IGFL2: variants seen among roughly 807,000 people sequenced by gnomAD.
The protein encoded by IGFL2 is IGF like family member 2.
IGFL2 carries 7 observed loss-of-function variants against 13.9 expected under a neutral mutation model. The ratio of observed to expected loss-of-function variants is 0.51; its 90% CI spans 0.29 to 0.95. The LOEUF (loss-of-function observed/expected upper bound fraction) is 0.95. IGFL2 is among the 40% of genes least tolerant of loss of function. IGFL2 has a pLI of 0.08. For missense variants in IGFL2, 138 were observed against 147.8 expected (o/e 0.93, Z 0.34); for synonymous variants, 55 against 55.8 (o/e 0.99, Z 0.07).
the IGFL2 span, among the ~76,000 whole-genome samples, chr19:46,136,009 G>A: frequency 2.0e-4 from 31 of 152,104 alleles, no homozygotes; most frequent in Non-Finnish European, 4.3e-4. Context: ...CTACTTTCTA[G>A]CTGCATTTAA....
At chr19:46,146,779 G>C (rs1973159598), upstream of IGFL2, among the ~76,000 whole-genome samples, 1 of 152,038 alleles carries the variant, frequency 6.6e-6, no homozygotes, top group Non-Finnish European at 1.5e-5. Context: ...ACTTCTGTGT[G>C]TTTCATACGC....
At chr19:46,102,513 C>T in the IGFL2 span, among the ~76,000 whole-genome samples, 1 of 151,844 alleles carries the variant, frequency 6.6e-6, no homozygotes, top group Admixed American at 6.6e-5. Context: ...AGTACATTCA[C>T]AAAGGCAAGG....
the IGFL2 span, among the ~76,000 whole-genome samples, chr19:46,132,385 A>C: frequency 5.3e-5 from 8 of 152,228 alleles, no homozygotes; most frequent in Non-Finnish European, 8.8e-5. Flanking sequence ...ATATTGAATT[A>C]AATGCACAGA....
chr19:46,185,906 T>A, the IGFL2 span, among the ~76,000 whole-genome samples: 2 of 152,006 alleles, frequency 1.3e-5, no homozygotes, highest in African/African-American at 2.4e-5. Context: ...CCCCGGGAAA[T>A]TTTTAAGACT....
the IGFL2 span, among the ~76,000 whole-genome samples, chr19:46,175,883 C>T: frequency 2.7e-5 from 4 of 149,750 alleles, no homozygotes; most frequent in Non-Finnish European, 5.9e-5. Context: ...CGCTCTGTCA[C>T]CCAGGCTGGA....
the IGFL2 span, chr19:46,212,238 C>G: frequency 6.6e-6 from 1 of 152,142 alleles, no homozygotes; most frequent in East Asian, 1.9e-4. Context: ...GGGGAAGGTG[C>G]GTGCTGAGCA....
the IGFL2 span, among the ~76,000 whole-genome samples, chr19:46,132,025 G>T: frequency 6.6e-6 from 1 of 152,188 alleles, no homozygotes; most frequent in Non-Finnish European, 1.5e-5. Flanking sequence ...AAATGTATAT[G>T]ATTTTACATT....
At chr19:46,081,503 G>A in the IGFL2 span, among the ~76,000 whole-genome samples, 1 of 152,154 alleles carries the variant, frequency 6.6e-6, no homozygotes, top group Non-Finnish European at 1.5e-5. Flanking sequence ...CCAGAATTCA[G>A]TGTTGCAATT....
At chr19:46,085,780 T>C in the IGFL2 span, among the ~76,000 whole-genome samples, 1 of 152,188 alleles carries the variant, frequency 6.6e-6, no homozygotes, top group Admixed American at 6.5e-5. Flanking sequence ...TTTCCATGTT[T>C]AACACTCCCT....
At chr19:46,117,825 C>A in the IGFL2 span, among the ~76,000 whole-genome samples, 1 of 152,030 alleles carries the variant, frequency 6.6e-6, no homozygotes, top group Admixed American at 6.6e-5. Flanking sequence ...GACTACAGGC[C>A]CCAGAATGGA....
upstream of IGFL2, chr19:46,147,923 G>C: frequency 8.0e-6 from 2 of 249,156 alleles, no homozygotes; most frequent in Non-Finnish European, 1.5e-5. Context: ...TGAGTAGTAT[G>C]CTCTCAGATA....
At chr19:46,086,608 G>A in the IGFL2 span, among the ~76,000 whole-genome samples, 7 of 152,180 alleles carry the variant, frequency 4.6e-5, no homozygotes, top group Non-Finnish European at 8.8e-5. Flanking sequence ...ACAGGCATTC[G>A]CCACCACACC....
the IGFL2 span, among the ~76,000 whole-genome samples, chr19:46,167,376 G>T: frequency 6.6e-6 from 1 of 152,144 alleles, no homozygotes; most frequent in Admixed American, 6.5e-5. Context: ...GATCAGCCAG[G>T]GTCGGAGCCT....
the IGFL2 span, among the ~76,000 whole-genome samples, chr19:46,086,259 C>T: frequency 6.6e-6 from 1 of 151,932 alleles, no homozygotes; most frequent in Non-Finnish European, 1.5e-5. Context: ...TATTGTATGT[C>T]ATTGAGAACA....
chr19:46,161,268 A>G lies in IGFL2; in HGVS notation c.*180A>G, dbSNP rs1026797796. The G allele has an allele frequency of 2.0e-5, 12 of 588,128 alleles. No individual in the cohort carries two copies. The highest frequency in any genetic ancestry group is 3.6e-5 in the Non-Finnish European group (12 of 331,380). 36.4% of individuals were successfully genotyped at this position (588,128 alleles called of 1,614,324 possible). A position where few individuals can be genotyped will look rare whatever the true frequency, so the allele number is the denominator to read the frequency against. On this transcript the variant is annotated 3_prime_UTR_variant, in exon 4 of 4. Coordinates refer to ENST00000377693, the MANE Select transcript of IGFL2 (RefSeq NM_001135113.2). Reference sequence around the variant, plus strand: ...ATGACAGTAGATTATCAGGAAATAAATAAAGTGGTTTTTCCAATGTACACA... The same window carrying G: ...ATGACAGTAGATTATCAGGAAATAAGTAAAGTGGTTTTTCCAATGTACACA...
chr19:46,162,007 C>G (rs1017043161), downstream of IGFL2, among the ~76,000 whole-genome samples: 3 of 152,182 alleles, frequency 2.0e-5, no homozygotes, highest in Admixed American at 6.5e-5. Context: ...TAAGGCAGAG[C>G]TGGTCGTAAT....
chr19:46,161,231 G>C lies in IGFL2; in HGVS notation c.*143G>C, dbSNP rs995679328. 2 of 630,678 alleles carry C rather than the reference G, an allele frequency of 3.2e-6. No homozygotes were observed. Among genetic ancestry groups the C allele is most frequent in the Non-Finnish European group, 5.6e-6 (2 of 357,666 alleles). The allele number at this position is 630,678 out of a possible 1,614,324, so 39.1% of individuals were successfully genotyped here. ...TGTATGGCCCATGTGGGAGACTGAT[G>C]GGACATGGAGAATGACAGTAGATTA... is the stretch of plus-strand genomic sequence containing the variant. On this transcript the variant is annotated 3_prime_UTR_variant, in exon 4 of 4. Coordinates refer to ENST00000377693, the MANE Select transcript of IGFL2 (RefSeq NM_001135113.2).
chr19:46,158,367 C>T (rs1600935428), intron 1 of IGFL2, among the ~76,000 whole-genome samples: 1 of 152,038 alleles, frequency 6.6e-6, no homozygotes, highest in East Asian at 1.9e-4. Flanking sequence ...CACTACCATG[C>T]CTGGCTAATT....
chr19:46,145,643 T>C (rs1227679252), upstream of IGFL2, among the ~76,000 whole-genome samples: 2 of 151,174 alleles, frequency 1.3e-5, no homozygotes, highest in Non-Finnish European at 2.9e-5. Context: ...TGTATTTATT[T>C]ATTTATTTAT....
Sources: gnomAD v4.1 joint callset for allele counts (sites outside exome capture counted in the v4.1 genomes callset) on GRCh38, gnomAD v4.1.1 for gene constraint, MANE v1.5 for transcripts, NCBI Gene and HGNC (gene_info 2026-07-23, HGNC 2026-07-21) for gene names.